Variants in DCDC2 observed in about 807,000 individuals in gnomAD.
DCDC2 encodes the protein doublecortin domain-containing protein 2.
A neutral mutation model predicts 50.2 loss-of-function variants in DCDC2; 40 were observed. The observed-to-expected ratio is 0.80, with a 90% confidence interval of 0.62 to 1.04. The LOEUF (loss-of-function observed/expected upper bound fraction) is 1.04. Among genes scored for constraint, DCDC2 ranks in the 50% least tolerant of loss-of-function variants. The probability of loss-of-function intolerance (pLI) is 0.00; values close to 1 mark genes in which losing one functional copy is unlikely to be tolerated. For synonymous variants in DCDC2, 234 were observed against 210.6 expected, an observed-to-expected ratio of 1.11 and a Z score of -0.96; for missense variants, 570 against 581.9, an observed-to-expected ratio of 0.98 and a Z score of 0.21.
At chr6:24,258,929 T>C (rs1449885032) in intron 7 of DCDC2, among the ~76,000 whole-genome samples, 1 of 152,240 alleles carries the variant, frequency 6.6e-6, no homozygotes, top group Admixed American at 6.5e-5. Context: ...ACCCTCCCTT[T>C]GTTCTCTAGA....
rs752022886 is a variant in DCDC2 at position 24,178,554 on chromosome 6, C to T, written c.1102G>A (p.Gly368Arg). The T allele has an allele frequency of 2.5e-6, 4 of 1,614,056 alleles. No homozygotes were observed. Among genetic ancestry groups the T allele is most frequent in the East Asian group, 2.2e-5 (1 of 44,878 alleles). The change falls in exon 9 of 10, where the codon GGA (glycine) becomes AGA (arginine). Residue 368 changes from glycine (G) to arginine (R), a missense_variant. Transcript: ENST00000378454. Reference sequence around the variant, plus strand: ...TCCTCTTCAAGGTCACCATTCATTCCTGAAAAGTCTTCTTTCTGTTCTGCA... The same window carrying T: ...TCCTCTTCAAGGTCACCATTCATTCTTGAAAAGTCTTCTTTCTGTTCTGCA... Reference protein sequence around the residue: ...KDAEQKEDFSGMNGDLEEEGG... With the variant: ...KDAEQKEDFSRMNGDLEEEGG...
At chr6:24,315,473 T>C (rs1228483016) in intron 2 of DCDC2, among the ~76,000 whole-genome samples, 2 of 152,170 alleles carry the variant, frequency 1.3e-5, no homozygotes, top group East Asian at 3.9e-4. Flanking sequence ...TTATTTACTA[T>C]CCACAGAGAG....
At chr6:24,300,373 C>A (rs1581639881) in intron 4 of DCDC2, among the ~76,000 whole-genome samples, 1 of 152,048 alleles carries the variant, frequency 6.6e-6, no homozygotes, top group East Asian at 1.9e-4. Context: ...CACAGCGAGA[C>A]CCTGTCTCAA....
chr6:24,198,311 CT>C (rs1400486787), intron 8 of DCDC2, among the ~76,000 whole-genome samples: 1 of 152,192 alleles, frequency 6.6e-6, no homozygotes, highest in Non-Finnish European at 1.5e-5. Flanking sequence ...CCCGGCTCAT[CT>C]CATTGGGACT....
At chr6:24,350,973 C>T (rs1365747537) in intron 2 of DCDC2, among the ~76,000 whole-genome samples, 2 of 152,164 alleles carry the variant, frequency 1.3e-5, no homozygotes, top group Non-Finnish European at 2.9e-5. Context: ...AAAAGTTTGA[C>T]TATAAATCAG....
intron 4 of DCDC2, among the ~76,000 whole-genome samples, chr6:24,292,913 A>G (rs758614418): frequency 2.6e-5 from 4 of 152,198 alleles, no homozygotes; most frequent in South Asian, 4.1e-4. Flanking sequence ...AATGTCCCCA[A>G]GGGGCAAAAT....
At chr6:24,176,031 G>T (rs557843506) in intron 9 of DCDC2, among the ~76,000 whole-genome samples, 1 of 152,232 alleles carries the variant, frequency 6.6e-6, no homozygotes, top group East Asian at 1.9e-4. Context: ...GGTGGCACGT[G>T]GCTGTAATCT....
intron 2 of DCDC2, among the ~76,000 whole-genome samples, chr6:24,336,621 G>C (rs1254741722): frequency 6.6e-6 from 1 of 152,084 alleles, no homozygotes; most frequent in Non-Finnish European, 1.5e-5. Flanking sequence ...AGCTGACCAA[G>C]CATTTACATT....
chr6:24,316,521 A>C (rs887952061), intron 2 of DCDC2, among the ~76,000 whole-genome samples: 1 of 152,178 alleles, frequency 6.6e-6, no homozygotes, highest in African/African-American at 2.4e-5. Flanking sequence ...CCAAATTCAG[A>C]GTGCTTTAAG....
At chr6:24,327,424 G>A (rs1381634320) in intron 2 of DCDC2, among the ~76,000 whole-genome samples, 1 of 147,820 alleles carries the variant, frequency 6.8e-6, no homozygotes, top group Non-Finnish European at 1.5e-5. Flanking sequence ...CATGGCAACA[G>A]TCCACTTTTA....
chr6:24,189,703 G>A (rs1761273922), intron 8 of DCDC2, among the ~76,000 whole-genome samples: 3 of 152,146 alleles, frequency 2.0e-5, no homozygotes, highest in Non-Finnish European at 2.9e-5. Flanking sequence ...CCTCCTCATT[G>A]CCACCCATTA....
chr6:24,336,027 A>G (rs1757143063), intron 2 of DCDC2, among the ~76,000 whole-genome samples: 1 of 152,212 alleles, frequency 6.6e-6, no homozygotes, highest in Admixed American at 6.5e-5. Flanking sequence ...AGAAGGTATA[A>G]TCATGCCATC....
chr6:24,278,326 T>C, intron 6 of DCDC2, 115 bp from the exon 7 acceptor site: 3 of 907,358 alleles, frequency 3.3e-6, no homozygotes, highest in Non-Finnish European at 4.9e-6. Flanking sequence ...AGGTGTATTG[T>C]CCTGGTTCTG....
intron 7 of DCDC2, among the ~76,000 whole-genome samples, chr6:24,266,769 T>G (rs1337040745): frequency 6.6e-6 from 1 of 152,044 alleles, no homozygotes; most frequent in Non-Finnish European, 1.5e-5. Flanking sequence ...AAACTAAAAA[T>G]AGAACTACCA....
intron 8 of DCDC2, among the ~76,000 whole-genome samples, chr6:24,186,454 A>G (rs535442245): frequency 1.1e-3 from 174 of 152,326 alleles, no homozygotes; most frequent in Middle Eastern, 3.4e-3. Flanking sequence ...TTTCATCAGC[A>G]TCACAAACAC....
intron 8 of DCDC2, among the ~76,000 whole-genome samples, chr6:24,191,399 C>G (rs151015074): frequency 1.3e-5 from 2 of 152,164 alleles, no homozygotes; most frequent in African/African-American, 4.8e-5. Context: ...AGCCTCTAAG[C>G]TGCAGTTTCT....
At chr6:24,250,123 T>A (rs563603273) in intron 7 of DCDC2, among the ~76,000 whole-genome samples, 1 of 152,176 alleles carries the variant, frequency 6.6e-6, no homozygotes, top group Non-Finnish European at 1.5e-5. Flanking sequence ...CATCCTCTGA[T>A]CCTTCTCATC....
chr6:24,376,793 T>C, the DCDC2 span, among the ~76,000 whole-genome samples: 1 of 134,858 alleles, frequency 7.4e-6, no homozygotes, highest in African/African-American at 2.8e-5. Context: ...GAAACAATTT[T>C]AAATATCAAT....
rs979018709 is a variant in DCDC2 at position 24,315,256 on chromosome 6, C to A, written c.349-13212G>T. On this transcript the variant is annotated intron_variant, in intron 2 of 9. Transcript: ENST00000378454. ...GTAGCTCCTTAGCGAAGCACTTACA[C>A]CTTAAGGAACCTCCTAGAACCAAGT... Among the ~76,000 whole-genome samples the A allele has an allele frequency of 5.3e-5, 8 of 151,730 alleles. No homozygotes were observed. The East Asian group carries it at 1.6e-3, about 30-fold the overall frequency.
Sources: gnomAD v4.1 joint callset for allele counts (sites outside exome capture counted in the v4.1 genomes callset) on GRCh38, gnomAD v4.1.1 for gene constraint, MANE v1.5 for transcripts, NCBI Gene and HGNC (gene_info 2026-07-23, HGNC 2026-07-21) for gene names.